Variants in NXPH4 observed in about 807,000 individuals in gnomAD.
The protein encoded by NXPH4 is neurexophilin 4.
In NXPH4, 8 loss-of-function variants were observed where a neutral mutation model predicts 21.3. That is an observed-to-expected ratio of 0.38 (90% CI 0.22 to 0.68). The LOEUF is 0.68. Ranked by LOEUF, NXPH4 falls within the 30% of genes least tolerant of loss-of-function variation. The pLI is 0.53. For synonymous variants in NXPH4, 219 were observed against 192.6 expected, an observed-to-expected ratio of 1.14 and a Z score of -1.13; for missense variants, 418 against 416.8, an observed-to-expected ratio of 1.00 and a Z score of -0.03.
intron 1 of NXPH4, among the ~76,000 whole-genome samples, chr12:57,223,818 C>T (rs1226892152): frequency 2.6e-5 from 4 of 152,260 alleles, no homozygotes; most frequent in African/African-American, 7.2e-5. Context: ...TCCTGCCTCT[C>T]GATCCATCTT....
chr12:57,222,851 G>A (rs2037104662), intron 1 of NXPH4, among the ~76,000 whole-genome samples: 2 of 152,196 alleles, frequency 1.3e-5, no homozygotes, highest in South Asian at 4.1e-4. Flanking sequence ...GGGAATGAGG[G>A]GGGCGATAAA....
chr12:57,220,198 G>A (rs1026241452), intron 1 of NXPH4, among the ~76,000 whole-genome samples: 2 of 152,122 alleles, frequency 1.3e-5, no homozygotes, highest in Admixed American at 6.5e-5. Flanking sequence ...AGCAGGGAGC[G>A]CTGCCTTGAG....
chr12:57,221,235 G>C, intron 1 of NXPH4: 1 of 419,676 alleles, frequency 2.4e-6, no homozygotes, highest in South Asian at 1.6e-5. Flanking sequence ...AGACTCCACC[G>C]GCCCCTATTG....
In NXPH4 at chr12:57,226,143, C is replaced by A; in HGVS notation, c.*396C>A. ...CTCACCCCACCCTGACTTTCCCATC[C>A]CCCAGCGCTTGTCCTGCTTCACCCT... is the stretch of plus-strand genomic sequence containing the variant. On this transcript the variant is annotated 3_prime_UTR_variant, in exon 2 of 2. Transcript: ENST00000349394. The A allele has an allele frequency of 2.2e-6, 1 of 454,320 alleles. No individual in the cohort carries two copies. The highest frequency in any genetic ancestry group is 3.9e-6 in the Non-Finnish European group (1 of 259,722). The allele number at this position is 454,320 out of a possible 1,614,324, so 28.1% of individuals were successfully genotyped here.
chr12:57,221,710 C>T (rs747892764), intron 1 of NXPH4, among the ~76,000 whole-genome samples: 15 of 152,202 alleles, frequency 9.9e-5, no homozygotes, highest in Admixed American at 3.9e-4. Flanking sequence ...TGTCACCGCG[C>T]CCAATTAGCT....
At chr12:57,217,072 G>A (rs899640726) in intron 1 of NXPH4, 46 bp downstream of exon 1, 1 of 1,527,824 alleles carries the variant, frequency 6.5e-7, no homozygotes, top group Non-Finnish European at 8.9e-7. Context: ...CGGGGTTCCG[G>A]GACGCGAAGG....
chr12:57,216,795 G>C lies in NXPH4; in HGVS notation c.-175G>C. 1 of 134,510 alleles carries C rather than the reference G, an allele frequency of 7.4e-6. No homozygotes were observed. Among genetic ancestry groups the C allele is most frequent in the Non-Finnish European group, 1.3e-5 (1 of 77,448 alleles). 8.3% of individuals were successfully genotyped at this position (134,510 alleles called of 1,614,324 possible). On this transcript the variant is annotated 5_prime_UTR_variant, in exon 1 of 2. Transcript: ENST00000349394. This position sits in a 1 kb window ranked among gnomAD's most constrained non-coding sequence, Gnocchi z 5.3. ...CTCCCCCGCCCGCGCCCCGCCCCCA[G>C]CGCCGGCTCCGCGCCTCGCGCCCAG...
At chr12:57,224,709 C>A (rs1023397229) in intron 1 of NXPH4, among the ~76,000 whole-genome samples, 169 bp from the exon 2 acceptor site, 1 of 152,240 alleles carries the variant, frequency 6.6e-6, no homozygotes, top group Admixed American at 6.5e-5. Flanking sequence ...GACTACATAG[C>A]TTGAAAGGGC....
At position 57,225,690 on chromosome 12, in the gene NXPH4, G is replaced by A. The variant is rs750593822; in HGVS notation, c.870G>A (p.Leu290=). 2 of 1,613,858 alleles carry A rather than the reference G, an allele frequency of 1.2e-6. No homozygotes were observed. Among genetic ancestry groups the A allele is most frequent in the Non-Finnish European group, 1.7e-6 (2 of 1,180,024 alleles). ...FVSFLSFDYK[L]VQKVCPDYNF... ...CTTTCCTCAGCTTTGACTACAAACT[G>A]GTGCAGAAGGTGTGCCCAGACTATA... The change falls in exon 2 of 2, where the codon CTG becomes CTA. Residue 290 remains leucine (L), a synonymous_variant. Coordinates refer to ENST00000349394, the MANE Select transcript of NXPH4 (RefSeq NM_007224.4).
In NXPH4 at chr12:57,225,029, C is replaced by A. The variant is rs1411158178; in HGVS notation, c.209C>A (p.Pro70Gln). Residue 70 changes from proline to glutamine, a missense_variant, in exon 2 of 2, where the codon CCG (proline) becomes CAG (glutamine). By Grantham distance (76) the Pro-to-Gln change is moderately conservative (BLOSUM62 -1). Coordinates refer to ENST00000349394, the MANE Select transcript of NXPH4 (RefSeq NM_007224.4). ...GGCCGCGCCTGGAGCTGGGCCTGGC[C>A]GACCAACCACACGGGGGCGCTGGCC... ...GVGRAWSWAW[P>Q]TNHTGALARA... The A allele has an allele frequency of 6.7e-7, 1 of 1,489,822 alleles. No individual in the cohort carries two copies. Among genetic ancestry groups the A allele is most frequent in the Non-Finnish European group, 8.9e-7 (1 of 1,118,362 alleles). The allele number at this position is 1,489,822 out of a possible 1,614,324, so 92.3% of individuals were successfully genotyped here.
intron 1 of NXPH4, 121 bp from the exon 2 acceptor site, chr12:57,224,757 G>A (rs956230328): frequency 6.1e-5 from 27 of 445,098 alleles, no homozygotes; most frequent in Admixed American, 3.8e-5. Flanking sequence ...TGCCCGCTGC[G>A]GGACTGCGTG....
Position 57,225,030 on chromosome 12 carries a change from G to A in NXPH4, c.210G>A (p.Pro70=), listed in dbSNP as rs769207367. 19 of 1,487,144 alleles carry A rather than the reference G, an allele frequency of 1.3e-5. No individual in the cohort carries two copies. In the South Asian group the frequency reaches 1.7e-4, roughly 13 times the overall value. 92.1% of individuals were successfully genotyped at this position (1,487,144 alleles called of 1,614,324 possible). A position where few individuals can be genotyped will look rare whatever the true frequency, so the allele number is the denominator to read the frequency against. ...GCCGCGCCTGGAGCTGGGCCTGGCCGACCAACCACACGGGGGCGCTGGCCC... is the reference window on the plus strand; with the variant it reads ...GCCGCGCCTGGAGCTGGGCCTGGCCAACCAACCACACGGGGGCGCTGGCCC... The part of the protein sequence containing the change: ...GVGRAWSWAW[P]TNHTGALARA... Residue 70 remains proline, a synonymous_variant, in exon 2 of 2, where the codon CCG becomes CCA. Coordinates refer to ENST00000349394, the MANE Select transcript of NXPH4 (RefSeq NM_007224.4).
Position 57,216,953 on chromosome 12 carries a change from C to G in NXPH4, c.-17C>G. The G allele has an allele frequency of 6.3e-7, 1 of 1,585,164 alleles. No homozygotes were observed. Among genetic ancestry groups the G allele is most frequent in the Non-Finnish European group, 8.6e-7 (1 of 1,166,682 alleles). ...CCCGAGACCCGCCCAGCCTGCCCCG[C>G]TCAGCCGCCAGAGAAGATGCGGCTG... On this transcript the variant is annotated 5_prime_UTR_variant, in exon 1 of 2. Transcript: ENST00000349394. The surrounding 1 kb of genome is among the most constrained non-coding windows in gnomAD (Gnocchi z 5.3).
chr12:57,223,348 T>C (rs1393203654), intron 1 of NXPH4, among the ~76,000 whole-genome samples: 1 of 151,720 alleles, frequency 6.6e-6, no homozygotes, highest in Admixed American at 6.6e-5. Context: ...ACTCCACAAA[T>C]TGACACACAC....
intron 1 of NXPH4, 108 bp from the exon 2 acceptor site, chr12:57,224,770 T>A: frequency 2.2e-6 from 1 of 463,344 alleles, no homozygotes. Context: ...ACTGCGTGAT[T>A]CCATTTGGTC....
Position 57,225,964 on chromosome 12 carries a change from C to A in NXPH4, c.*217C>A. On this transcript the variant is annotated 3_prime_UTR_variant, in exon 2 of 2. Coordinates refer to ENST00000349394, the MANE Select transcript of NXPH4 (RefSeq NM_007224.4). Reference sequence around the variant, plus strand: ...TGGGGTAGCCCCCTCCAGTACACCCCAAAGTGAAAGGGATAAGAGTGCAGC... The same window carrying A: ...TGGGGTAGCCCCCTCCAGTACACCCAAAAGTGAAAGGGATAAGAGTGCAGC... 7.0e-7 allele frequency: 1 copy of A among 1,420,758 alleles called. No homozygotes were observed. The highest frequency in any genetic ancestry group is 9.2e-7 in the Non-Finnish European group (1 of 1,088,170). The allele number at this position is 1,420,758 out of a possible 1,614,324, so 88.0% of individuals were successfully genotyped here.
intron 1 of NXPH4, among the ~76,000 whole-genome samples, chr12:57,218,712 AGGGAGAGT>A (rs1193706402): frequency 6.6e-6 from 1 of 152,238 alleles, no homozygotes; most frequent in African/African-American, 2.4e-5. Context: ...TGGAGTCAAC[AGGGAGAGT>A]GGATCTGCTG....
chr12:57,226,177 T>A lies in NXPH4; in HGVS notation c.*430T>A. On this transcript the variant is annotated 3_prime_UTR_variant, in exon 2 of 2. Coordinates refer to ENST00000349394, the MANE Select transcript of NXPH4 (RefSeq NM_007224.4). ...TTGTCCTGCTTCACCCTACCCCGCCTAAGACTGTAAAGGCCTAAAAACCTC... is the reference window on the plus strand; with the variant it reads ...TTGTCCTGCTTCACCCTACCCCGCCAAAGACTGTAAAGGCCTAAAAACCTC... 2.4e-6 allele frequency: 1 copy of A among 422,040 alleles called. No individual in the cohort carries two copies. Among genetic ancestry groups the A allele is most frequent in the South Asian group, 8.7e-5 (1 of 11,552 alleles). The allele number at this position is 422,040 out of a possible 1,614,324, so 26.1% of individuals were successfully genotyped here. A position where few individuals can be genotyped will look rare whatever the true frequency, so the allele number is the denominator to read the frequency against.
At chr12:57,218,796 T>TA (rs1319754251) in intron 1 of NXPH4, among the ~76,000 whole-genome samples, 1 of 152,210 alleles carries the variant, frequency 6.6e-6, no homozygotes, top group African/African-American at 2.4e-5. Context: ...TGTGTGAATA[T>TA]GTATAACTGC....
Sources: gnomAD v4.1 joint callset for allele counts (sites outside exome capture counted in the v4.1 genomes callset) on GRCh38, gnomAD v4.1.1 for gene constraint, Gnocchi (gnomAD v3.1) non-coding constraint, MANE v1.5 for transcripts, NCBI Gene and HGNC (gene_info 2026-07-23, HGNC 2026-07-21) for gene names.